PTPRG: variants seen among roughly 807,000 people sequenced by gnomAD.
PTPRG encodes receptor-type tyrosine-protein phosphatase gamma.
PTPRG carries 102 observed loss-of-function variants against 165.3 expected under a neutral mutation model. The observed-to-expected ratio is 0.62, with a 90% CI of 0.53 to 0.73. The LOEUF is 0.73. Among genes scored for constraint, PTPRG ranks in the 30% least tolerant of loss-of-function variants. PTPRG has a pLI of 0.00. For missense variants in PTPRG, 1,866 were observed against 1,861.4 expected, an observed-to-expected ratio of 1.00 and a Z score of -0.05; for synonymous variants, 675 against 669.5, an observed-to-expected ratio of 1.01 and a Z score of -0.13.
intron 1 of PTPRG, among the ~76,000 whole-genome samples, chr3:61,647,261 C>T (rs761203701): frequency 1.3e-5 from 2 of 152,108 alleles, no homozygotes; most frequent in African/African-American, 2.4e-5. Context: ...TTCATTTTAC[C>T]GTCTTTCACA....
intron 1 of PTPRG, among the ~76,000 whole-genome samples, chr3:61,648,552 T>C (rs1425309587): frequency 6.6e-6 from 1 of 152,220 alleles, no homozygotes; most frequent in Non-Finnish European, 1.5e-5. Flanking sequence ...AGGCATTTCA[T>C]TTTTTGTTGG....
intron 6 of PTPRG, among the ~76,000 whole-genome samples, chr3:62,156,580 G>T (rs1315876947): frequency 2.0e-5 from 3 of 152,112 alleles, no homozygotes; most frequent in African/African-American, 7.2e-5. Flanking sequence ...CATGTTACTG[G>T]TGACTTACAG....
intron 2 of PTPRG, among the ~76,000 whole-genome samples, chr3:61,858,111 G>A (rs2037163680): frequency 6.6e-6 from 1 of 152,172 alleles, no homozygotes; most frequent in South Asian, 2.1e-4. Context: ...TGGCCCATTT[G>A]TATTGTGGGC....
At chr3:61,933,861 G>T (rs890627557) in intron 2 of PTPRG, among the ~76,000 whole-genome samples, 13 of 152,278 alleles carry the variant, frequency 8.5e-5, no homozygotes, top group Middle Eastern at 3.4e-3. Context: ...CATGTAATCA[G>T]TAGATCAGCT....
At chr3:61,783,233 G>T (rs1291395120) in intron 2 of PTPRG, among the ~76,000 whole-genome samples, 2 of 152,156 alleles carry the variant, frequency 1.3e-5, no homozygotes, top group Admixed American at 6.5e-5. Flanking sequence ...CTAGCTAATT[G>T]GGAGGCTGCG....
At chr3:61,610,884 G>A (rs1701149837) in intron 1 of PTPRG, among the ~76,000 whole-genome samples, 1 of 151,664 alleles carries the variant, frequency 6.6e-6, no homozygotes. Flanking sequence ...TTGGCTCACT[G>A]CACTGTCTAC....
intron 1 of PTPRG, among the ~76,000 whole-genome samples, chr3:61,608,047 A>G (rs1376817954): frequency 6.6e-6 from 1 of 151,968 alleles, no homozygotes; most frequent in Non-Finnish European, 1.5e-5. Context: ...TTACTGCATG[A>G]GGGCTGAAAT....
intron 2 of PTPRG, among the ~76,000 whole-genome samples, chr3:61,837,454 A>G (rs2036501841): frequency 6.6e-6 from 1 of 152,238 alleles, no homozygotes; most frequent in African/African-American, 2.4e-5. Flanking sequence ...AGTCACAAGC[A>G]GGGCTCCTGT....
At chr3:61,817,049 T>TATAATATATAGTATATAATATATAA (rs1175600666) in intron 2 of PTPRG, among the ~76,000 whole-genome samples, 8 of 127,700 alleles carry the variant, frequency 6.3e-5, no homozygotes, top group African/African-American at 2.4e-4. Context: ...ATATATAATA[T>TATAATATATAGTATATAATATATAA]TATATATAAT....
rs556074821 is a variant in PTPRG at position 61,796,065 on chromosome 3, A to C, written c.190+47083A>C. 5.3e-5 allele frequency among the ~76,000 whole-genome samples: 8 copies of C among 152,314 alleles called. No individual in the cohort carries two copies. The South Asian group carries it at 6.2e-4, about 12-fold the overall frequency. ...TGAAAGTGGGCATTAATATTAGCAA[A>C]TTCCCTTTAATAATCATCCCATTAA... On this transcript the variant is annotated intron_variant, in intron 2 of 29. Transcript: ENST00000474889.
At chr3:62,156,092 TATAAG>T (rs1275587554) in intron 6 of PTPRG, among the ~76,000 whole-genome samples, 1 of 152,242 alleles carries the variant, frequency 6.6e-6, no homozygotes, top group Non-Finnish European at 1.5e-5. Flanking sequence ...TTGGAAGAAT[TATAAG>T]ATATTTTCCT....
Position 61,989,485 on chromosome 3 carries a change from T to A in PTPRG, c.191-140T>A, listed in dbSNP as rs2040833479. 6.6e-6 allele frequency: 5 copies of A among 757,984 alleles called. No homozygotes were observed. The South Asian group carries it at 1.2e-4, about 18-fold the overall frequency. The allele number at this position is 757,984 out of a possible 1,614,324, so 47.0% of individuals were successfully genotyped here. Reference sequence around the variant, plus strand: ...CTTCTTGTCACATCAGGCCAATGGCTTTGATTCATAGTTTTCAGTACATTC... The same window carrying A: ...CTTCTTGTCACATCAGGCCAATGGCATTGATTCATAGTTTTCAGTACATTC... On this transcript the variant is annotated intron_variant, in intron 2 of 29. Transcript: ENST00000474889.
chr3:61,790,745 A>ATT (rs367605654), intron 2 of PTPRG, among the ~76,000 whole-genome samples: 1,988 of 138,600 alleles, frequency 0.014, 42 homozygotes, highest in African/African-American at 0.048. Context: ...GACTTCTGTG[A>ATT]TTTTTTTTTT....
rs35466366 is a variant in PTPRG at position 61,767,971 on chromosome 3, CAAAAA to C, written c.190+19007_190+19011del. On this transcript the variant is annotated intron_variant, in intron 2 of 29. Transcript: ENST00000474889. ...GGTGACAGAAAGCAAGACCCTGTCT[CAAAAA>C]AAAAAAAAAAAAAAAAATCTTGGTA... Among the ~76,000 whole-genome samples the C allele has an allele frequency of 4.9e-3, 509 of 104,150 alleles. 13 individuals carry two copies. The East Asian group carries it at 0.1, about 21-fold the overall frequency. 68.3% of individuals were successfully genotyped at this position (104,150 alleles called of 152,430 possible). A position where few individuals can be genotyped will look rare whatever the true frequency, so the allele number is the denominator to read the frequency against.
In PTPRG at chr3:62,271,796, ATTAATAAT is replaced by A. The variant is rs1436793272; in HGVS notation, c.3182+242_3182+249del. ...TCCCTAGTTTTTATAAAATCTTCTT[ATTAATAAT>A]ATCAGCCAGGCATGGAGGCCAACTC... On this transcript the variant is annotated intron_variant, in intron 21 of 29. Transcript: ENST00000474889. This position sits in a 1 kb window ranked among gnomAD's most constrained non-coding sequence, Gnocchi z 4.1. Among the ~76,000 whole-genome samples, 4 of 152,154 alleles carry A rather than the reference ATTAATAAT, an allele frequency of 2.6e-5. No homozygotes were observed. Among genetic ancestry groups the A allele is most frequent in the African/African-American group, 9.7e-5 (4 of 41,442 alleles).
At chr3:61,988,941 G>A (rs2040824115) in intron 2 of PTPRG, among the ~76,000 whole-genome samples, 1 of 152,174 alleles carries the variant, frequency 6.6e-6, no homozygotes, top group South Asian at 2.1e-4. Context: ...TTATTTCTGT[G>A]GCATATGTCC....
intron 2 of PTPRG, among the ~76,000 whole-genome samples, chr3:61,827,487 C>A (rs141727786): frequency 9.2e-5 from 14 of 152,290 alleles, no homozygotes; most frequent in African/African-American, 3.4e-4. Context: ...GGTCAGAAAT[C>A]ATCTCATGTC....
intron 2 of PTPRG, among the ~76,000 whole-genome samples, chr3:61,762,563 A>G (rs151010312): frequency 1.3e-5 from 2 of 152,292 alleles, no homozygotes; most frequent in African/African-American, 2.4e-5. Context: ...GTGAGCCGAG[A>G]TCATGCCCCT....
chr3:62,051,854 A>G (rs1700478882), intron 4 of PTPRG, among the ~76,000 whole-genome samples: 1 of 152,348 alleles, frequency 6.6e-6, no homozygotes, highest in Admixed American at 6.5e-5. Flanking sequence ...AAGAATGGGA[A>G]TACCAGTGTA....
Sources: allele counts gnomAD v4.1 joint callset (sites outside exome capture counted in the v4.1 genomes callset), GRCh38; gene constraint gnomAD v4.1.1; non-coding constraint Gnocchi (gnomAD v3.1); transcripts MANE v1.5; gene names NCBI Gene and HGNC (gene_info 2026-07-23, HGNC 2026-07-21).